The following NXPE2 variants were observed in gnomAD, a reference collection of about 807,000 sequenced individuals.
The protein encoded by NXPE2 is neurexophilin and PC-esterase domain family member 2, also known as NXPE family member 2.
In NXPE2, 34 loss-of-function variants were observed where a neutral mutation model predicts 34.4. The ratio of observed to expected loss-of-function variants is 0.99; its 90% CI spans 0.75 to 1.31. The LOEUF (loss-of-function observed/expected upper bound fraction) is 1.31. NXPE2 is among the 40% of genes most tolerant of loss of function. NXPE2 has a pLI of 0.00. For synonymous variants in NXPE2, 235 were observed against 231.3 expected (o/e 1.02, Z -0.15); for missense variants, 649 against 672.5 (o/e 0.97, Z 0.39).
At chr11:114,566,583 A>G in the NXPE2 span, among the ~76,000 whole-genome samples, 1 of 152,170 alleles carries the variant, frequency 6.6e-6, no homozygotes, top group Admixed American at 6.5e-5. Context: ...AATGTGTTGT[A>G]ACAGAGAATA....
the NXPE2 span, among the ~76,000 whole-genome samples, chr11:114,749,239 G>A: frequency 6.6e-6 from 1 of 152,088 alleles, no homozygotes; most frequent in Non-Finnish European, 1.5e-5. Flanking sequence ...ATGTATGTAT[G>A]CATATATATT....
At chr11:114,809,038 C>T in the NXPE2 span, among the ~76,000 whole-genome samples, 1 of 152,218 alleles carries the variant, frequency 6.6e-6, no homozygotes, top group Non-Finnish European at 1.5e-5. Context: ...GCTGGTTCAA[C>T]ATACACAAAT....
At chr11:114,774,633 G>A in the NXPE2 span, among the ~76,000 whole-genome samples, 83 of 152,224 alleles carry the variant, frequency 5.5e-4, 3 homozygotes, top group Admixed American at 5.0e-3. Flanking sequence ...TGCGCATGCC[G>A]AGTGTTGTGG....
the NXPE2 span, among the ~76,000 whole-genome samples, chr11:114,567,068 C>A: frequency 2.0e-5 from 3 of 152,092 alleles, no homozygotes; most frequent in African/African-American, 4.8e-5. Flanking sequence ...TTCTGGTGGC[C>A]GTGCAGTAGG....
chr11:114,476,992 A>G, the NXPE2 span, among the ~76,000 whole-genome samples: 6 of 152,354 alleles, frequency 3.9e-5, no homozygotes, highest in African/African-American at 7.2e-5. Context: ...CACTTCTAGG[A>G]CAAAGACTTG....
the NXPE2 span, among the ~76,000 whole-genome samples, chr11:114,633,435 A>C: frequency 6.8e-6 from 1 of 146,494 alleles, no homozygotes; most frequent in South Asian, 2.1e-4. Context: ...AATATAGTAT[A>C]GTATACAATG....
chr11:114,706,326 T>A, intron 5 of NXPE2, 69 bp from the exon 6 acceptor site: 1 of 1,271,042 alleles, frequency 7.9e-7, no homozygotes, highest in Non-Finnish European at 1.1e-6. Flanking sequence ...ATTTTATACA[T>A]GTTGTGTGCA....
At chr11:114,718,716 A>G in the NXPE2 span, among the ~76,000 whole-genome samples, 1 of 152,168 alleles carries the variant, frequency 6.6e-6, no homozygotes, top group East Asian at 1.9e-4. Flanking sequence ...GGAAAGAATG[A>G]CTGTAAATGT....
chr11:114,676,928 G>A (rs933269623), upstream of NXPE2, among the ~76,000 whole-genome samples: 6 of 151,972 alleles, frequency 3.9e-5, no homozygotes, highest in Non-Finnish European at 5.9e-5. Flanking sequence ...GTGTTGCTCA[G>A]CCTTAAAAAA....
At chr11:114,629,476 C>T in the NXPE2 span, among the ~76,000 whole-genome samples, 1 of 151,240 alleles carries the variant, frequency 6.6e-6, no homozygotes, top group Non-Finnish European at 1.5e-5. Flanking sequence ...AACAACCCTT[C>T]ATGCTAAAAA....
the NXPE2 span, among the ~76,000 whole-genome samples, chr11:114,783,704 G>C: frequency 6.6e-6 from 1 of 152,168 alleles, no homozygotes; most frequent in East Asian, 1.9e-4. Context: ...GAATTTATGA[G>C]CTCCTTTCTT....
chr11:114,626,943 A>C, the NXPE2 span, among the ~76,000 whole-genome samples: 1 of 152,050 alleles, frequency 6.6e-6, no homozygotes, highest in African/African-American at 2.4e-5. Flanking sequence ...AATGAATGAA[A>C]TGAAGTGAGA....
At chr11:114,468,153 C>A in the NXPE2 span, among the ~76,000 whole-genome samples, 1 of 148,762 alleles carries the variant, frequency 6.7e-6, no homozygotes, top group Admixed American at 6.7e-5. Context: ...AAAAAAATTG[C>A]AAAAAGTCTC....
intron 3 of NXPE2, among the ~76,000 whole-genome samples, chr11:114,701,968 T>A (rs1951373480): frequency 6.6e-6 from 1 of 152,114 alleles, no homozygotes; most frequent in Non-Finnish European, 1.5e-5. Flanking sequence ...CTGGAACCAA[T>A]CTCCCACATA....
the NXPE2 span, among the ~76,000 whole-genome samples, chr11:114,590,738 G>A: frequency 6.6e-6 from 1 of 152,210 alleles, no homozygotes. Context: ...GCAGGTAAAG[G>A]ATGGCCAGCA....
At chr11:114,717,678 T>A in the NXPE2 span, among the ~76,000 whole-genome samples, 1 of 152,246 alleles carries the variant, frequency 6.6e-6, no homozygotes, top group African/African-American at 2.4e-5. Context: ...GAGCAGGTAC[T>A]GGTGAATACA....
chr11:114,564,762 T>C, the NXPE2 span, among the ~76,000 whole-genome samples: 9 of 152,166 alleles, frequency 5.9e-5, no homozygotes, highest in Non-Finnish European at 1.2e-4. Flanking sequence ...AATGCAAGAA[T>C]ATATGTTTCA....
At chr11:114,623,416 G>A in the NXPE2 span, among the ~76,000 whole-genome samples, 6 of 152,104 alleles carry the variant, frequency 3.9e-5, no homozygotes, top group Non-Finnish European at 7.4e-5. Flanking sequence ...ATTGTTACCC[G>A]CTGGATAATA....
chr11:114,561,071 T>A, the NXPE2 span, among the ~76,000 whole-genome samples: 5 of 152,230 alleles, frequency 3.3e-5, no homozygotes, highest in African/African-American at 1.2e-4. Context: ...TTCAGCTCTG[T>A]AACATAAATC....
Sources: gnomAD v4.1 joint callset for allele counts (sites outside exome capture counted in the v4.1 genomes callset) on GRCh38, gnomAD v4.1.1 for gene constraint, MANE v1.5 for transcripts, NCBI Gene and HGNC (gene_info 2026-07-23, HGNC 2026-07-21) for gene names.